The following CACNG3 variants were observed in gnomAD, a reference collection of about 807,000 sequenced individuals.
CACNG3 encodes the protein calcium voltage-gated channel auxiliary subunit gamma 3.
A neutral mutation model predicts 28.5 loss-of-function variants in CACNG3; 3 were observed. The observed-to-expected ratio is 0.11, with a 90% CI of 0.05 to 0.27. CACNG3 has a LOEUF of 0.27. CACNG3 is among the 10% of genes least tolerant of loss of function. CACNG3 has a pLI of 1.00. For synonymous variants in CACNG3, 174 were observed against 162.2 expected (o/e 1.07, Z -0.55); for missense variants, 236 against 414.4 (o/e 0.57, Z 3.74).
At position 24,330,622 on chromosome 16, in the gene CACNG3, G is replaced by A. The variant is rs144550604; in HGVS notation, c.212-16112G>A. The stretch of plus-strand genomic sequence containing the variant: ...GTAGGTGCCCAGGAATGCACTTGTT[G>A]GTTTGTTTTAAGAAGAGCCCAGGTG... On this transcript the variant is annotated intron_variant, in intron 1 of 3. Coordinates refer to ENST00000005284, the MANE Select transcript of CACNG3 (RefSeq NM_006539.4). 6.6e-5 allele frequency among the ~76,000 whole-genome samples: 10 copies of A among 152,290 alleles called. No homozygotes were observed. The East Asian group carries it at 1.5e-3, about 23-fold the overall frequency.
At chr16:24,345,705 A>G (rs1219300708) in intron 1 of CACNG3, among the ~76,000 whole-genome samples, 1 of 152,226 alleles carries the variant, frequency 6.6e-6, no homozygotes, top group Non-Finnish European at 1.5e-5. Context: ...TGTCTCAAAC[A>G]AAACAAAAAA....
In CACNG3 at chr16:24,361,748, C is replaced by G; in HGVS notation, c.833C>G (p.Thr278Ser). 1.2e-6 allele frequency: 2 copies of G among 1,614,018 alleles called. No individual in the cohort carries two copies. Among genetic ancestry groups the G allele is most frequent in the Non-Finnish European group, 1.7e-6 (2 of 1,179,996 alleles). The change falls in exon 4 of 4, where the codon ACC becomes AGC. Residue 278 changes from threonine (T) to serine (S), a missense_variant. Coordinates refer to ENST00000005284, the MANE Select transcript of CACNG3 (RefSeq NM_006539.4). The surrounding 1 kb of genome is among the most constrained non-coding windows in gnomAD (Gnocchi z 6.8). ...SRDPSKITMG[T>S]LLNSDRDHAF... The stretch of plus-strand genomic sequence containing the variant: ...GACCCCTCAAAGATCACCATGGGGA[C>G]CCTCCTCAACTCCGACCGGGACCAC...
chr16:24,264,694 C>T lies in CACNG3; in HGVS notation c.211+7729C>T, dbSNP rs1204974316. 2.6e-5 allele frequency among the ~76,000 whole-genome samples: 4 copies of T among 152,054 alleles called. No homozygotes were observed. In the South Asian group the frequency reaches 6.2e-4, roughly 24 times the overall value. ...CATACAGAAGGTGCTAGAATCTAAA[C>T]GAGGAAGGAGCAGGGATAGTGATTT... On this transcript the variant is annotated intron_variant, in intron 1 of 3. Coordinates refer to ENST00000005284, the MANE Select transcript of CACNG3 (RefSeq NM_006539.4).
chr16:24,323,219 C>CAAA (rs761999416), intron 1 of CACNG3, among the ~76,000 whole-genome samples: 16,760 of 66,438 alleles, frequency 0.25, 2,970 homozygotes, highest in Admixed American at 0.36. Flanking sequence ...GAGCAGGACT[C>CAAA]AAAAAAAAAA....
At chr16:24,274,990 A>C (rs997674785) in intron 1 of CACNG3, among the ~76,000 whole-genome samples, 1 of 152,178 alleles carries the variant, frequency 6.6e-6, no homozygotes, top group Non-Finnish European at 1.5e-5. Flanking sequence ...AGGGTGGTCT[A>C]TTAATTCCTA....
intron 3 of CACNG3, among the ~76,000 whole-genome samples, chr16:24,356,416 C>A (rs11640010): frequency 0.31 from 47,921 of 152,160 alleles, 9,426 homozygotes; most frequent in South Asian, 0.54. Context: ...ATAGTACCAA[C>A]TGCAGCTGGG....
At chr16:24,282,030 T>G (rs1425048201) in intron 1 of CACNG3, among the ~76,000 whole-genome samples, 1 of 152,158 alleles carries the variant, frequency 6.6e-6, no homozygotes, top group Non-Finnish European at 1.5e-5. Context: ...CACTACTCTA[T>G]GACACCATCC....
At chr16:24,320,560 C>A (rs1426503344) in intron 1 of CACNG3, among the ~76,000 whole-genome samples, 1 of 152,010 alleles carries the variant, frequency 6.6e-6, no homozygotes, top group Non-Finnish European at 1.5e-5. Flanking sequence ...TATACCAATA[C>A]TATATTATTA....
chr16:24,288,592 C>A (rs1416328635), intron 1 of CACNG3, among the ~76,000 whole-genome samples: 1 of 152,214 alleles, frequency 6.6e-6, no homozygotes, highest in Non-Finnish European at 1.5e-5. Context: ...TATCTACTGT[C>A]TTTTCCCCTT....
intron 1 of CACNG3, among the ~76,000 whole-genome samples, chr16:24,269,746 C>CAAAAAAAAAAAAAAAA (rs1163565728): frequency 7.0e-5 from 5 of 71,080 alleles, no homozygotes; most frequent in East Asian, 3.9e-4. Context: ...GACTCCATCT[C>CAAAAAAAAAAAAAAAA]AAAAAAAAAA....
At position 24,289,152 on chromosome 16, in the gene CACNG3, G is replaced by A. The variant is rs147504879; in HGVS notation, c.211+32187G>A. Among the ~76,000 whole-genome samples, 12 of 152,182 alleles carry A rather than the reference G, an allele frequency of 7.9e-5. No individual in the cohort carries two copies. In the East Asian group the frequency reaches 2.3e-3, roughly 29 times the overall value. On this transcript the variant is annotated intron_variant, in intron 1 of 3. Transcript: ENST00000005284. ...GAAGTAAACAGCATCCCTCCCAAAC[G>A]ACCCAGGGCTCTGCAGAAAGGAAAG...
intron 1 of CACNG3, among the ~76,000 whole-genome samples, chr16:24,342,512 G>A (rs1249471582): frequency 2.0e-5 from 3 of 152,078 alleles, no homozygotes; most frequent in African/African-American, 7.2e-5. Context: ...GCCTTCTTGG[G>A]ACAGAAATCT....
At chr16:24,290,816 T>C (rs1417045528) in intron 1 of CACNG3, among the ~76,000 whole-genome samples, 1 of 152,190 alleles carries the variant, frequency 6.6e-6, no homozygotes, top group East Asian at 1.9e-4. Flanking sequence ...AACAAGTGTT[T>C]GATAAACACT....
intron 1 of CACNG3, among the ~76,000 whole-genome samples, chr16:24,308,258 A>T (rs1306868647): frequency 6.6e-6 from 1 of 152,178 alleles, no homozygotes; most frequent in Non-Finnish European, 1.5e-5. Context: ...TCACCATATC[A>T]TCAAGGAAAG....
intron 1 of CACNG3, among the ~76,000 whole-genome samples, chr16:24,292,667 C>T (rs1012484812): frequency 1.3e-5 from 2 of 152,134 alleles, no homozygotes; most frequent in African/African-American, 4.8e-5. Context: ...TTATCTCTCT[C>T]CCACAAATCT....
intron 1 of CACNG3, among the ~76,000 whole-genome samples, chr16:24,315,604 C>G (rs1899341110): frequency 1.5e-5 from 2 of 135,224 alleles, no homozygotes; most frequent in South Asian, 4.7e-4. Flanking sequence ...CTTTCTTTGT[C>G]TCTCTTTCTT....
chr16:24,317,606 GA>G (rs1555460535), intron 1 of CACNG3, among the ~76,000 whole-genome samples: 2 of 66,032 alleles, frequency 3.0e-5, no homozygotes, highest in African/African-American at 1.4e-4. Flanking sequence ...AAGAAAGAAA[GA>G]AAGAAAGAAA....
chr16:24,360,442 C>T (rs1900090584), intron 3 of CACNG3, among the ~76,000 whole-genome samples: 3 of 152,166 alleles, frequency 2.0e-5, no homozygotes, highest in Non-Finnish European at 4.4e-5. Context: ...TTGGAGGTAA[C>T]AGCTTCCTGC....
intron 1 of CACNG3, among the ~76,000 whole-genome samples, chr16:24,269,746 C>CAAAAAAAAAAAAAA (rs1163565728): frequency 4.2e-5 from 3 of 71,074 alleles, no homozygotes; most frequent in African/African-American, 4.8e-5. Flanking sequence ...GACTCCATCT[C>CAAAAAAAAAAAAAA]AAAAAAAAAA....
Sources: allele counts gnomAD v4.1 joint callset (sites outside exome capture counted in the v4.1 genomes callset), GRCh38; gene constraint gnomAD v4.1.1; non-coding constraint Gnocchi (gnomAD v3.1); transcripts MANE v1.5; gene names NCBI Gene and HGNC (gene_info 2026-07-23, HGNC 2026-07-21).